Variants in SULT6B1 observed in about 807,000 individuals in gnomAD.
The protein encoded by SULT6B1 is sulfotransferase family 6B member 1.
SULT6B1 carries 44 observed loss-of-function variants against 37.2 expected under a neutral mutation model. The ratio of observed to expected loss-of-function variants is 1.18; its 90% CI spans 0.93 to 1.52. The LOEUF is 1.52. Among genes scored for constraint, SULT6B1 ranks in the 40% most tolerant of loss-of-function variants. SULT6B1 has a pLI of 0.00. For missense variants in SULT6B1, 450 were observed against 361.0 expected, an observed-to-expected ratio of 1.25 and a Z score of -2.00; for synonymous variants, 140 against 126.0, an observed-to-expected ratio of 1.11 and a Z score of -0.74.
chr2:37,168,318 C>T (rs1351266215), intron 6 of SULT6B1, among the ~76,000 whole-genome samples: 3 of 152,140 alleles, frequency 2.0e-5, no homozygotes, highest in Admixed American at 6.6e-5. Flanking sequence ...CCCGCCACCA[C>T]ACCCGGCTAA....
At chr2:37,181,467 G>GCCTCCTGGGCT (rs1256992102) in intron 3 of SULT6B1, among the ~76,000 whole-genome samples, 4 of 152,114 alleles carry the variant, frequency 2.6e-5, no homozygotes, top group Non-Finnish European at 5.9e-5. Flanking sequence ...TGCAACCTCT[G>GCCTCCTGGGCT]CCTCCTGGGC....
Position 37,188,646 on chromosome 2 carries a change from C to T in SULT6B1, c.-6G>A. The T allele has an allele frequency of 9.2e-7, 1 of 1,086,080 alleles. No homozygotes were observed. The highest frequency in any genetic ancestry group is 1.3e-5 in the South Asian group (1 of 76,526). The allele number at this position is 1,086,080 out of a possible 1,614,324, so 67.3% of individuals were successfully genotyped here. On this transcript the variant is annotated 5_prime_UTR_variant, in exon 1 of 7. Coordinates refer to ENST00000535679, the MANE Select transcript of SULT6B1 (RefSeq NM_001367551.1). The stretch of plus-strand genomic sequence containing the variant: ...AATTTGGATTTATCAGCCATGGTGG[C>T]TCCCTGTAAAAGAACCTGCTCTGTG...
chr2:37,185,803 C>G (rs1290751028), intron 2 of SULT6B1, among the ~76,000 whole-genome samples: 1 of 151,418 alleles, frequency 6.6e-6, no homozygotes, highest in African/African-American at 2.4e-5. Flanking sequence ...GTTAAGCACT[C>G]TCTTTAGAAA....
chr2:37,183,408 T>C lies in SULT6B1; in HGVS notation c.402+17A>G. 3.1e-6 allele frequency: 5 copies of C among 1,599,866 alleles called. No homozygotes were observed. The highest frequency in any genetic ancestry group is 4.3e-6 in the Non-Finnish European group (5 of 1,167,968). On this transcript the variant is annotated intron_variant, in intron 3 of 6. Transcript: ENST00000535679. ...CATAGAAATTTCAAAGAATTATCAG[T>C]AGGAAAGGACACTCACCTTGGCTTT...
Position 37,178,558 on chromosome 2 carries a change from C to T in SULT6B1, c.529+900G>A, listed in dbSNP as rs572159419. Among the ~76,000 whole-genome samples, 6 of 152,176 alleles carry T rather than the reference C, an allele frequency of 3.9e-5. No individual in the cohort carries two copies. The South Asian group carries it at 1.2e-3, about 32-fold the overall frequency. ...TCTGATTTATATTTTGATTAGTTTC[C>T]TCATCTGTACAATGGGGCTAATACC... is the stretch of plus-strand genomic sequence containing the variant. On this transcript the variant is annotated intron_variant, in intron 4 of 6. Transcript: ENST00000535679.
At position 37,185,788 on chromosome 2, in the gene SULT6B1, G is replaced by T. The variant is rs576906023; in HGVS notation, c.312+1567C>A. On this transcript the variant is annotated intron_variant, in intron 2 of 6. Transcript: ENST00000535679. ...ATAAATGTTGGCATCATTTCTAAAG[G>T]TGATGTTAAGCACTCTCTTTAGAAA... Among the ~76,000 whole-genome samples, 5 of 151,382 alleles carry T rather than the reference G, an allele frequency of 3.3e-5. No individual in the cohort carries two copies. In the South Asian group the frequency reaches 6.3e-4, roughly 19 times the overall value.
In SULT6B1 at chr2:37,172,013, A is replaced by C. The variant is rs148249002; in HGVS notation, c.625-423T>G. Among the ~76,000 whole-genome samples the C allele has an allele frequency of 3.2e-4, 48 of 152,068 alleles. No homozygotes were observed. The East Asian group carries it at 4.3e-3, about 13-fold the overall frequency. ...TTATAGCTAATGTTTAATTCCATTAAGAAAGTCTAATTTTTAGAATCATAA... is the reference window on the plus strand; with the variant it reads ...TTATAGCTAATGTTTAATTCCATTACGAAAGTCTAATTTTTAGAATCATAA... On this transcript the variant is annotated intron_variant, in intron 5 of 6. Coordinates refer to ENST00000535679, the MANE Select transcript of SULT6B1 (RefSeq NM_001367551.1).
At chr2:37,194,462 T>C in intron 1 of SULT6B1, 1 of 427,148 alleles carries the variant, frequency 2.3e-6, no homozygotes, top group South Asian at 1.8e-5. Context: ...TTCATCCTCA[T>C]TACATCCTCT....
At chr2:37,168,834 T>G (rs1676236518) in intron 6 of SULT6B1, among the ~76,000 whole-genome samples, 1 of 152,244 alleles carries the variant, frequency 6.6e-6, no homozygotes, top group Non-Finnish European at 1.5e-5. Context: ...TTCTTAAAGA[T>G]CTTTTGATCA....
At chr2:37,171,765 G>C (rs1254133581) in intron 5 of SULT6B1, among the ~76,000 whole-genome samples, 175 bp from the exon 6 acceptor site, 1 of 152,098 alleles carries the variant, frequency 6.6e-6, no homozygotes, top group Non-Finnish European at 1.5e-5. Flanking sequence ...ATCTCTGTAA[G>C]ATATTCTGTA....
At chr2:37,168,303 C>T (rs1379024185) in intron 6 of SULT6B1, among the ~76,000 whole-genome samples, 1 of 151,974 alleles carries the variant, frequency 6.6e-6, no homozygotes, top group Non-Finnish European at 1.5e-5. Context: ...CTGGGATTAC[C>T]GGCGCCCGCC....
chr2:37,186,996 A>C (rs1488080962), intron 2 of SULT6B1, among the ~76,000 whole-genome samples: 1 of 152,162 alleles, frequency 6.6e-6, no homozygotes, highest in Non-Finnish European at 1.5e-5. Context: ...TCATTTCCTG[A>C]GGTTTCTCAG....
At chr2:37,195,418 A>T (rs748837504) in intron 1 of SULT6B1, among the ~76,000 whole-genome samples, 1 of 152,186 alleles carries the variant, frequency 6.6e-6, no homozygotes, top group African/African-American at 2.4e-5. Flanking sequence ...GATGAACCAC[A>T]TGGGCTGGAC....
intron 3 of SULT6B1, among the ~76,000 whole-genome samples, chr2:37,181,927 C>T (rs907802595): frequency 6.6e-6 from 1 of 152,166 alleles, no homozygotes; most frequent in African/African-American, 2.4e-5. Flanking sequence ...TTAGGGGATA[C>T]TGGAGATCTT....
chr2:37,175,986 T>C (rs1676417941), intron 4 of SULT6B1, among the ~76,000 whole-genome samples: 1 of 152,236 alleles, frequency 6.6e-6, no homozygotes, highest in East Asian at 1.9e-4. Context: ...TCCATTTTTT[T>C]AAAATGAGAA....
intron 4 of SULT6B1, 151 bp from the exon 5 acceptor site, chr2:37,175,377 T>C (rs760811961): frequency 2.5e-6 from 1 of 406,684 alleles, no homozygotes. Flanking sequence ...AAAAAGCTGA[T>C]ATAAATCAGT....
chr2:37,177,803 T>C (rs1245582263), intron 4 of SULT6B1, among the ~76,000 whole-genome samples: 3 of 152,326 alleles, frequency 2.0e-5, no homozygotes, highest in Non-Finnish European at 2.9e-5. Flanking sequence ...GTGTATACGG[T>C]GAAACATCAT....
intron 5 of SULT6B1, among the ~76,000 whole-genome samples, chr2:37,172,952 A>T (rs1051381306): frequency 1.3e-5 from 2 of 150,616 alleles, no homozygotes; most frequent in Admixed American, 6.6e-5. Context: ...TCCTGGGTTC[A>T]AGTGAGTCTC....
At position 37,171,445 on chromosome 2, in the gene SULT6B1, A is replaced by G. The variant is rs1188788400; in HGVS notation, c.770T>C (p.Leu257Pro). ...CAATGCGACTTTACCTTTGCGGAAA[A>G]GGAATGGGCCGACAGCACCGTGTGT... ...QDTHGAVGPF[L>P]FRKGEVGDWK... The change falls in exon 6 of 7, where the codon CTT becomes CCT. Residue 257 changes from leucine (L) to proline (P), a missense_variant. Leu to Pro is a moderately conservative substitution (Grantham distance 98). Transcript: ENST00000535679. 1 of 1,612,970 alleles carries G rather than the reference A, an allele frequency of 6.2e-7. No individual in the cohort carries two copies. Among genetic ancestry groups the G allele is most frequent in the Non-Finnish European group, 8.5e-7 (1 of 1,179,554 alleles).
Sources: gnomAD v4.1 joint callset for allele counts (sites outside exome capture counted in the v4.1 genomes callset) on GRCh38, gnomAD v4.1.1 for gene constraint, MANE v1.5 for transcripts, NCBI Gene and HGNC (gene_info 2026-07-23, HGNC 2026-07-21) for gene names.